ATP11B: variants seen among roughly 807,000 people sequenced by gnomAD.
ATP11B encodes the protein ATPase phospholipid transporting 11B (putative), also known as phospholipid-transporting ATPase IF.
In ATP11B, 81 loss-of-function variants were observed where a neutral mutation model predicts 157.8. That is an observed-to-expected ratio of 0.51 (90% CI 0.43 to 0.62). The LOEUF is 0.62. Ranked by LOEUF, ATP11B falls within the 20% of genes least tolerant of loss-of-function variation. The probability of loss-of-function intolerance (pLI) is 0.00; values close to 1 mark genes in which losing one functional copy is unlikely to be tolerated. For missense variants in ATP11B, 1,165 were observed against 1,402.2 expected (o/e 0.83, Z 2.70); for synonymous variants, 451 against 469.4 (o/e 0.96, Z 0.51).
At chr3:182,850,599 G>C (rs557776418) in intron 10 of ATP11B, among the ~76,000 whole-genome samples, 2 of 152,288 alleles carry the variant, frequency 1.3e-5, no homozygotes, top group East Asian at 3.9e-4. Flanking sequence ...TGCTGGCAGG[G>C]ATATGGAGAA....
chr3:182,825,024 G>A (rs1271471081), intron 2 of ATP11B, among the ~76,000 whole-genome samples: 1 of 152,152 alleles, frequency 6.6e-6, no homozygotes. Flanking sequence ...CATAAATGAA[G>A]CCTGCTTCTC....
At chr3:182,904,139 G>A (rs1470169887) in intron 28 of ATP11B, among the ~76,000 whole-genome samples, 1 of 152,154 alleles carries the variant, frequency 6.6e-6, no homozygotes, top group African/African-American at 2.4e-5. Flanking sequence ...TTGAGAGAGC[G>A]GCAGACCTGA....
At chr3:182,801,617 C>T (rs1716020402) in intron 1 of ATP11B, among the ~76,000 whole-genome samples, 1 of 152,164 alleles carries the variant, frequency 6.6e-6, no homozygotes, top group African/African-American at 2.4e-5. Context: ...TCCCCCCACC[C>T]ACTATCCTCA....
intron 29 of ATP11B, chr3:182,916,739 G>A: frequency 1.0e-6 from 1 of 984,068 alleles, no homozygotes; most frequent in Non-Finnish European, 1.2e-6. Flanking sequence ...AAATGAAGGA[G>A]ACTTTACCTA....
chr3:182,861,683 G>A (rs993363974), intron 12 of ATP11B, among the ~76,000 whole-genome samples: 1 of 152,170 alleles, frequency 6.6e-6, no homozygotes, highest in Admixed American at 6.5e-5. Flanking sequence ...GTCTCTTATT[G>A]TATCAGTTGC....
chr3:182,793,821 G>A, intron 1 of ATP11B, 35 bp downstream of exon 1: 4 of 1,292,286 alleles, frequency 3.1e-6, no homozygotes, highest in South Asian at 1.9e-5. Flanking sequence ...CCATTCGTCC[G>A]CCCCCGCGGG....
At chr3:182,843,049 A>G (rs998713641) in intron 8 of ATP11B, among the ~76,000 whole-genome samples, 2 of 152,224 alleles carry the variant, frequency 1.3e-5, no homozygotes, top group African/African-American at 2.4e-5. Flanking sequence ...TTATTGAGCT[A>G]AGAGACAATG....
intron 25 of ATP11B, among the ~76,000 whole-genome samples, chr3:182,891,764 T>A (rs1376979561): frequency 1.3e-5 from 2 of 152,174 alleles, no homozygotes; most frequent in Non-Finnish European, 2.9e-5. Flanking sequence ...CCTCCAATAC[T>A]AGGTATAGTA....
intron 10 of ATP11B, among the ~76,000 whole-genome samples, chr3:182,853,360 A>G (rs1720126856): frequency 6.6e-6 from 1 of 152,064 alleles, no homozygotes; most frequent in Non-Finnish European, 1.5e-5. Flanking sequence ...GGTGCGCGCC[A>G]CAACACCCAG....
At chr3:182,885,640 T>C (rs1183922527) in intron 22 of ATP11B, among the ~76,000 whole-genome samples, 1 of 152,156 alleles carries the variant, frequency 6.6e-6, no homozygotes, top group Non-Finnish European at 1.5e-5. Context: ...TCTTACTTAT[T>C]GTACTATATA....
In ATP11B at chr3:182,825,966, G is replaced by C. The variant is rs114761911; in HGVS notation, c.145-2154G>C. Among the ~76,000 whole-genome samples the C allele has an allele frequency of 1.4e-3, 207 of 152,160 alleles. 1 individual carries two copies. Among genetic ancestry groups the C allele is most frequent in the Non-Finnish European group, 2.3e-3 (159 of 68,010 alleles). ...TTATAGCCATGTTTTAGTTTTCTTA[G>C]GAGAAAATAAGGTCAATTATAAAGT... On this transcript the variant is annotated intron_variant, in intron 2 of 29. Transcript: ENST00000323116.
intron 29 of ATP11B, chr3:182,914,618 A>G (rs1264010536): frequency 2.0e-5 from 20 of 985,288 alleles, no homozygotes; most frequent in Non-Finnish European, 2.4e-5. Flanking sequence ...GGCTTTTTAA[A>G]TTATGGAGTA....
intron 1 of ATP11B, among the ~76,000 whole-genome samples, chr3:182,794,412 C>G (rs59129772): frequency 0.078 from 11,886 of 151,900 alleles, 683 homozygotes; most frequent in African/African-American, 0.16. Flanking sequence ...GGAAACGATA[C>G]GTATTGTACG....
Position 182,889,416 on chromosome 3 carries a change from T to C in ATP11B, c.2850T>C (p.Ile950=). The part of the protein sequence containing the change: ...LQNKPTLYRD[I]SKNRLLSIKT... The stretch of plus-strand genomic sequence containing the variant: ...TTTCTCTTCTTTTTAACAGAGACAT[T>C]AGTAAAAACCGCCTCTTAAGTATTA... The change falls in exon 25 of 30, where the codon ATT becomes ATC. Residue 950 remains isoleucine, a synonymous_variant. Transcript: ENST00000323116. 1.3e-6 allele frequency: 2 copies of C among 1,563,692 alleles called. No homozygotes were observed. The highest frequency in any genetic ancestry group is 4.7e-5 in the East Asian group (2 of 42,520).
rs534970697 is a variant in ATP11B, at chr3:182,796,879, G to T, written c.27+3093G>T. ...GAAAATGAGTAATTACACAAAAACA[G>T]TATTACTAGGATAACTGTTTCTTAA... On this transcript the variant is annotated intron_variant, in intron 1 of 29. Coordinates refer to ENST00000323116, the MANE Select transcript of ATP11B (RefSeq NM_014616.3). Among the ~76,000 whole-genome samples, 20 of 152,262 alleles carry T rather than the reference G, an allele frequency of 1.3e-4. No homozygotes were observed. In the South Asian group the frequency reaches 4.1e-3, roughly 32 times the overall value.
At position 182,898,627 on chromosome 3, in the gene ATP11B, A is replaced by G. The variant is rs779091841; in HGVS notation, c.3173A>G (p.Asn1058Ser). Residue 1058 changes from asparagine to serine, a missense_variant, in exon 28 of 30, where the codon AAT (asparagine) becomes AGT (serine). Asn to Ser is a conservative substitution (Grantham distance 46). Around this residue, in one of 4 missense-constraint regions of ATP11B, gnomAD observed 303 missense variants for 296.3 expected, o/e 1.02. Transcript: ENST00000323116. ...TGCAGGCCATTTTTGGGCTCCCAGA[A>G]TATGTATTTTGTGTTTATTCAGCTC... is the stretch of plus-strand genomic sequence containing the variant. ...GILWPFLGSQ[N>S]MYFVFIQLLS... 6.3e-6 allele frequency: 10 copies of G among 1,598,968 alleles called. No individual in the cohort carries two copies. The highest frequency in any genetic ancestry group is 2.3e-5 in the South Asian group (2 of 87,512).
chr3:182,895,112 C>CAAA (rs368282275), intron 25 of ATP11B, among the ~76,000 whole-genome samples: 11 of 68,270 alleles, frequency 1.6e-4, no homozygotes, highest in Non-Finnish European at 2.2e-4. Context: ...GACCCTGACT[C>CAAA]AAAAAAAAAA....
chr3:182,837,002 T>C, intron 6 of ATP11B, 69 bp from the exon 7 acceptor site: 1 of 1,100,458 alleles, frequency 9.1e-7, no homozygotes, highest in Non-Finnish European at 1.4e-6. Flanking sequence ...TAAAAGAGAT[T>C]TGAAATAACT....
chr3:182,859,374 A>G lies in ATP11B; in HGVS notation c.1200+15A>G. On this transcript the variant is annotated intron_variant, in intron 12 of 29. Coordinates refer to ENST00000323116, the MANE Select transcript of ATP11B (RefSeq NM_014616.3). ...AGCTTGGACAGGTGAAAATGATCCT[A>G]ATATTTTGTTTCTCTAATTTGTTAT... 1 of 1,539,142 alleles carries G rather than the reference A, an allele frequency of 6.5e-7. No homozygotes were observed. The highest frequency in any genetic ancestry group is 2.1e-5 in the Admixed American group (1 of 48,392).
Sources: allele counts gnomAD v4.1 joint callset (sites outside exome capture counted in the v4.1 genomes callset), GRCh38; gene constraint gnomAD v4.1.1; regional missense constraint gnomAD v4.1.1; transcripts MANE v1.5; gene names NCBI Gene and HGNC (gene_info 2026-07-23, HGNC 2026-07-21).